Variants in OLFM3 observed in about 807,000 individuals in gnomAD.
OLFM3 encodes the protein olfactomedin 3, also known as noelin-3.
A neutral mutation model predicts 48.6 loss-of-function variants in OLFM3; 20 were observed. That is an observed-to-expected ratio of 0.41 (90% CI 0.29 to 0.60). OLFM3 has a LOEUF of 0.60. Among genes scored for constraint, OLFM3 ranks in the 20% least tolerant of loss-of-function variants. The pLI, the probability that OLFM3 is intolerant of heterozygous loss-of-function variation, is 0.28. For missense variants in OLFM3, 437 were observed against 544.3 expected, an observed-to-expected ratio of 0.80 and a Z score of 1.96; for synonymous variants, 222 against 198.1, an observed-to-expected ratio of 1.12 and a Z score of -1.01.
intron 1 of OLFM3, among the ~76,000 whole-genome samples, chr1:101,867,372 T>A (rs1324331899): frequency 6.6e-6 from 1 of 152,196 alleles, no homozygotes; most frequent in Non-Finnish European, 1.5e-5. Context: ...TGGTGTCATG[T>A]TCTTAGTATC....
At chr1:101,978,527 G>T (rs1661015403) in intron 1 of OLFM3, among the ~76,000 whole-genome samples, 1 of 152,044 alleles carries the variant, frequency 6.6e-6, no homozygotes, top group South Asian at 2.1e-4. Context: ...ATTATCTTAG[G>T]TTATTATGTA....
chr1:101,989,318 G>A (rs111925888), intron 1 of OLFM3, among the ~76,000 whole-genome samples: 1 of 151,966 alleles, frequency 6.6e-6, no homozygotes, highest in East Asian at 1.9e-4. Context: ...AAGCAAAAAA[G>A]AATCAATGTT....
intron 1 of OLFM3, among the ~76,000 whole-genome samples, chr1:101,845,252 T>A (rs1239008520): frequency 6.6e-6 from 1 of 152,048 alleles, no homozygotes; most frequent in Non-Finnish European, 1.5e-5. Flanking sequence ...TATACAGACA[T>A]ACAGCAATGC....
intron 1 of OLFM3, chr1:101,882,813 T>C (rs557978811): frequency 1.3e-5 from 2 of 151,962 alleles, no homozygotes; most frequent in Non-Finnish European, 2.9e-5. Flanking sequence ...GATGGTGAAG[T>C]CCAGGAAATC....
intron 1 of OLFM3, among the ~76,000 whole-genome samples, chr1:101,943,462 C>T (rs187335068): frequency 2.0e-5 from 3 of 152,256 alleles, no homozygotes; most frequent in East Asian, 1.9e-4. Context: ...CTGGCACAAA[C>T]GTATATGCAA....
intron 1 of OLFM3, among the ~76,000 whole-genome samples, chr1:101,976,839 A>AAATTACTCTAAGAATCTC (rs1553184850): frequency 3.3e-5 from 5 of 152,286 alleles, no homozygotes; most frequent in Admixed American, 1.3e-4. Context: ...CTAAGAATCT[A>AAATTACTCTAAGAATCTC]AATTACTCTA....
intron 1 of OLFM3, among the ~76,000 whole-genome samples, chr1:101,943,534 T>G (rs1351444660): frequency 6.6e-6 from 1 of 152,220 alleles, no homozygotes; most frequent in Non-Finnish European, 1.5e-5. Flanking sequence ...AATATACAAG[T>G]TAAACACAAG....
chr1:101,808,883 T>G (rs2100864966), intron 4 of OLFM3, among the ~76,000 whole-genome samples: 1 of 151,770 alleles, frequency 6.6e-6, no homozygotes, highest in East Asian at 1.9e-4. Flanking sequence ...AAGAGATAAC[T>G]CAGAGGATAG....
At chr1:101,944,464 C>T (rs1343460057) in intron 1 of OLFM3, among the ~76,000 whole-genome samples, 2 of 152,176 alleles carry the variant, frequency 1.3e-5, no homozygotes. Context: ...AGGGGCTTAA[C>T]TCCTGGAGAA....
intron 1 of OLFM3, among the ~76,000 whole-genome samples, chr1:101,872,838 A>C (rs1030736966): frequency 6.6e-6 from 1 of 151,926 alleles, no homozygotes; most frequent in Admixed American, 6.6e-5. Context: ...TAGAAACTCT[A>C]TTGAAGATTG....
chr1:101,963,373 C>A (rs1215046894), intron 1 of OLFM3, among the ~76,000 whole-genome samples: 2 of 152,132 alleles, frequency 1.3e-5, no homozygotes, highest in South Asian at 2.1e-4. Context: ...CTGCAGTAAA[C>A]TTTGACTGGG....
At chr1:101,906,255 C>A (rs1435040962) in intron 1 of OLFM3, among the ~76,000 whole-genome samples, 1 of 151,804 alleles carries the variant, frequency 6.6e-6, no homozygotes, top group Non-Finnish European at 1.5e-5. Flanking sequence ...TGAATTGGAA[C>A]AAACATCTGT....
At chr1:101,925,537 C>A (rs577765385) in intron 1 of OLFM3, among the ~76,000 whole-genome samples, 2 of 151,812 alleles carry the variant, frequency 1.3e-5, no homozygotes, top group South Asian at 4.2e-4. Context: ...TTTATTCTTA[C>A]AGACAGGATC....
chr1:101,842,207 A>G (rs760843144), intron 1 of OLFM3, among the ~76,000 whole-genome samples: 1 of 152,178 alleles, frequency 6.6e-6, no homozygotes, highest in Non-Finnish European at 1.5e-5. Flanking sequence ...AGCAAAAATA[A>G]TAATAATAAT....
intron 1 of OLFM3, among the ~76,000 whole-genome samples, chr1:101,996,501 GC>G (rs754344712): frequency 2.0e-4 from 30 of 152,080 alleles, no homozygotes; most frequent in Admixed American, 4.6e-4. Context: ...GAGCCGCATT[GC>G]CCGCTGCCCA....
Position 101,803,442 on chromosome 1 carries a change from CA to C in OLFM3, c.*795del, listed in dbSNP as rs1653588447. Reference sequence around the variant, plus strand: ...GTTGTTGCATTCAATGTCAGTGGCCCAAAAAACTTGGGGTAAAATAAAGACT... The same window carrying C: ...GTTGTTGCATTCAATGTCAGTGGCCCAAAAACTTGGGGTAAAATAAAGACT... On this transcript the variant is annotated 3_prime_UTR_variant, in exon 6 of 6. Transcript: ENST00000370103. 6.6e-6 allele frequency: 1 copy of C among 151,906 alleles called. No homozygotes were observed. Among genetic ancestry groups the C allele is most frequent in the Non-Finnish European group, 1.5e-5 (1 of 67,706 alleles). 9.4% of individuals were successfully genotyped at this position (151,906 alleles called of 1,614,324 possible).
chr1:101,928,476 C>A (rs1659345697), intron 1 of OLFM3, among the ~76,000 whole-genome samples: 1 of 152,084 alleles, frequency 6.6e-6, no homozygotes, highest in Non-Finnish European at 1.5e-5. Flanking sequence ...GTTTTACTGG[C>A]AGTCTACCCA....
chr1:101,879,208 T>C (rs1232316064), intron 1 of OLFM3, among the ~76,000 whole-genome samples: 1 of 151,848 alleles, frequency 6.6e-6, no homozygotes, highest in Non-Finnish European at 1.5e-5. Context: ...ACAGGAAACA[T>C]GGATTGATTT....
chr1:101,960,445 T>G (rs1660433882), intron 1 of OLFM3, among the ~76,000 whole-genome samples: 1 of 152,204 alleles, frequency 6.6e-6, no homozygotes, highest in African/African-American at 2.4e-5. Flanking sequence ...TCACTCTCAC[T>G]ATTCCAGCTC....
Sources: gnomAD v4.1 joint callset for allele counts (sites outside exome capture counted in the v4.1 genomes callset) on GRCh38, gnomAD v4.1.1 for gene constraint, MANE v1.5 for transcripts, NCBI Gene and HGNC (gene_info 2026-07-23, HGNC 2026-07-21) for gene names.